FGF14: variants seen among roughly 807,000 people sequenced by gnomAD.
FGF14 encodes the protein fibroblast growth factor 14, also known as fibroblast growth factor homologous factor 4.
In FGF14, 5 loss-of-function variants were observed where a neutral mutation model predicts 25.5. The observed-to-expected ratio is 0.20, with a 90% confidence interval of 0.10 to 0.41. The LOEUF is 0.41. FGF14 is among the 10% of genes least tolerant of loss of function. The pLI is 1.00. For synonymous variants in FGF14, 138 were observed against 118.3 expected (o/e 1.17, Z -1.08); for missense variants, 222 against 320.1 (o/e 0.69, Z 2.34).
At position 101,741,694 on chromosome 13, in the gene FGF14, C is replaced by T. The variant is rs181998914; in HGVS notation, c.409-14884G>A. Among the ~76,000 whole-genome samples, 6 of 148,872 alleles carry T rather than the reference C, an allele frequency of 4.0e-5. No homozygotes were observed. In the East Asian group the frequency reaches 1.2e-3, roughly 29 times the overall value. Reference sequence around the variant, plus strand: ...TCCCTGCCTTTTATTATTCTATATACTTTGATTCTATTCTTGGCACATTTA... The same window carrying T: ...TCCCTGCCTTTTATTATTCTATATATTTTGATTCTATTCTTGGCACATTTA... On this transcript the variant is annotated intron_variant, in intron 3 of 4. Coordinates refer to ENST00000376143, the MANE Select transcript of FGF14 (RefSeq NM_004115.4).
At chr13:102,156,960 G>A (rs1305351334) in intron 1 of FGF14, among the ~76,000 whole-genome samples, 2 of 152,080 alleles carry the variant, frequency 1.3e-5, no homozygotes, top group Non-Finnish European at 2.9e-5. Context: ...GGGATGTGAA[G>A]GACCTCTTCA....
chr13:102,221,747 T>C (rs2050623047), intron 1 of FGF14, among the ~76,000 whole-genome samples: 2 of 152,174 alleles, frequency 1.3e-5, no homozygotes, highest in Non-Finnish European at 2.9e-5. Flanking sequence ...AAATGTAGAA[T>C]TACAGTGCAA....
chr13:102,315,054 T>C (rs1328432476), intron 1 of FGF14, among the ~76,000 whole-genome samples: 1 of 151,480 alleles, frequency 6.6e-6, no homozygotes, highest in Non-Finnish European at 1.5e-5. Context: ...CATATATGCA[T>C]ATATACATAG....
At chr13:101,898,224 A>G (rs901810921) in intron 1 of FGF14, among the ~76,000 whole-genome samples, 2 of 152,100 alleles carry the variant, frequency 1.3e-5, no homozygotes, top group Admixed American at 1.3e-4. Context: ...GGATCTTCAA[A>G]CAGTAAGAAT....
In FGF14 at chr13:102,200,830, C is replaced by T. The variant is rs757935745; in HGVS notation, c.208+200641G>A. Reference sequence around the variant, plus strand: ...GCAGATATAAACAACAGCATTGAGGCGGTAGCTCATGCCTGTAATCCCAGC... The same window carrying T: ...GCAGATATAAACAACAGCATTGAGGTGGTAGCTCATGCCTGTAATCCCAGC... On this transcript the variant is annotated intron_variant, in intron 1 of 4. Transcript: ENST00000376131. Among the ~76,000 whole-genome samples, 15 of 151,878 alleles carry T rather than the reference C, an allele frequency of 9.9e-5. No homozygotes were observed. The South Asian group carries it at 1.0e-3, about 10-fold the overall frequency.
intron 1 of FGF14, among the ~76,000 whole-genome samples, chr13:102,200,902 A>T (rs2049594576): frequency 6.6e-6 from 1 of 151,954 alleles, no homozygotes; most frequent in South Asian, 2.1e-4. Flanking sequence ...GGAGATCGAG[A>T]CCATCTTGGC....
At chr13:102,263,811 C>T (rs1241915032) in intron 1 of FGF14, among the ~76,000 whole-genome samples, 1 of 152,110 alleles carries the variant, frequency 6.6e-6, no homozygotes, top group Non-Finnish European at 1.5e-5. Flanking sequence ...AAATAATTCA[C>T]TCTCTGGTAT....
At chr13:102,345,588 T>G (rs1459426531) in intron 1 of FGF14, among the ~76,000 whole-genome samples, 1 of 152,274 alleles carries the variant, frequency 6.6e-6, no homozygotes, top group African/African-American at 2.4e-5. Context: ...GGTATAGATC[T>G]GTTGCCGTGG....
At chr13:101,755,797 A>C (rs1327636675) in intron 3 of FGF14, among the ~76,000 whole-genome samples, 4 of 152,182 alleles carry the variant, frequency 2.6e-5, no homozygotes, top group Non-Finnish European at 5.9e-5. Context: ...TTTGCAAAGG[A>C]AAGTTTAGCC....
intron 1 of FGF14, among the ~76,000 whole-genome samples, chr13:102,284,232 A>G (rs1295622980): frequency 6.6e-6 from 1 of 152,182 alleles, no homozygotes; most frequent in Non-Finnish European, 1.5e-5. Flanking sequence ...ATGTCTCCAA[A>G]TCGCAACTCT....
At chr13:101,860,782 T>C (rs777655375) in intron 3 of FGF14, among the ~76,000 whole-genome samples, 2 of 152,094 alleles carry the variant, frequency 1.3e-5, no homozygotes, top group Non-Finnish European at 2.9e-5. Context: ...AACCACTTAA[T>C]TGGAGTCTTG....
chr13:102,259,859 T>TA (rs2052632681), intron 1 of FGF14, among the ~76,000 whole-genome samples: 1 of 152,198 alleles, frequency 6.6e-6, no homozygotes, highest in South Asian at 2.1e-4. Context: ...ATGACACCCA[T>TA]TGCTTTATGT....
chr13:102,016,724 G>T (rs545309707), intron 1 of FGF14, among the ~76,000 whole-genome samples: 24 of 152,202 alleles, frequency 1.6e-4, no homozygotes, highest in Non-Finnish European at 1.5e-5. Context: ...GGGCTCAAGT[G>T]ATCCATCTGC....
chr13:102,209,014 G>A (rs1049320100), intron 1 of FGF14, among the ~76,000 whole-genome samples: 1 of 152,196 alleles, frequency 6.6e-6, no homozygotes, highest in Non-Finnish European at 1.5e-5. Flanking sequence ...TTTACAATGA[G>A]TTTCTTGGGA....
intron 3 of FGF14, among the ~76,000 whole-genome samples, chr13:101,735,689 CATT>C (rs1430878212): frequency 2.7e-5 from 4 of 150,130 alleles, no homozygotes; most frequent in Non-Finnish European, 4.4e-5. Context: ...AAAAAAAGCT[CATT>C]GTTGTTATTA....
At chr13:102,304,540 A>G (rs2055265923) in intron 1 of FGF14, among the ~76,000 whole-genome samples, 1 of 152,184 alleles carries the variant, frequency 6.6e-6, no homozygotes, top group African/African-American at 2.4e-5. Context: ...AGCCTTCAAG[A>G]GGGACTCCAG....
intron 1 of FGF14, among the ~76,000 whole-genome samples, chr13:102,161,799 G>A (rs1397115323): frequency 2.0e-5 from 3 of 149,458 alleles, no homozygotes; most frequent in Admixed American, 6.7e-5. Flanking sequence ...TCATCATTGC[G>A]TTCCCAATAT....
intron 1 of FGF14, among the ~76,000 whole-genome samples, chr13:101,961,806 C>A (rs1054227970): frequency 2.0e-5 from 3 of 152,194 alleles, no homozygotes; most frequent in Non-Finnish European, 4.4e-5. Context: ...TATAAGTTTC[C>A]TGAGGCCTCC....
In FGF14 at chr13:101,721,017, AAAT is replaced by A. The variant is rs1429077384; in HGVS notation, c.*1811_*1813del. The A allele has an allele frequency of 6.6e-6, 1 of 152,154 alleles. No individual in the cohort carries two copies. Among genetic ancestry groups the A allele is most frequent in the Non-Finnish European group, 1.5e-5 (1 of 68,010 alleles). The allele number at this position is 152,154 out of a possible 1,614,324, so 9.4% of individuals were successfully genotyped here. A position where few individuals can be genotyped will look rare whatever the true frequency, so the allele number is the denominator to read the frequency against. The stretch of plus-strand genomic sequence containing the variant: ...AAGAAGATTTATGAAAGCAGTGACA[AAAT>A]AATTTCCCAATAAATACAGTGCAGA... On this transcript the variant is annotated 3_prime_UTR_variant, in exon 5 of 5. Transcript: ENST00000376143.
Sources: allele counts gnomAD v4.1 joint callset (sites outside exome capture counted in the v4.1 genomes callset), GRCh38; gene constraint gnomAD v4.1.1; transcripts MANE v1.5; gene names NCBI Gene and HGNC (gene_info 2026-07-23, HGNC 2026-07-21).